ENGASE: variants seen among roughly 807,000 people sequenced by gnomAD.
ENGASE encodes the protein cytosolic endo-beta-N-acetylglucosaminidase.
Under a neutral mutation model 78.5 loss-of-function variants are expected in ENGASE, and 69 were observed. The ratio of observed to expected loss-of-function variants is 0.88; its 90% CI spans 0.72 to 1.07. The LOEUF (loss-of-function observed/expected upper bound fraction) is 1.07. Ranked by LOEUF, ENGASE falls within the 50% of genes least tolerant of loss-of-function variation. The pLI, the probability that ENGASE is intolerant of heterozygous loss-of-function variation, is 0.00. For synonymous variants in ENGASE, 408 were observed against 408.9 expected (o/e 1.00, Z 0.03); for missense variants, 943 against 988.4 (o/e 0.95, Z 0.62).
At chr17:79,084,514 C>T (rs3744178) in intron 10 of ENGASE, 24 bp from the exon 11 acceptor site, 87,005 of 1,546,894 alleles carry the variant, frequency 0.056, 2,599 homozygotes, top group African/African-American at 0.077. Flanking sequence ...TCCACGGCAC[C>T]CATCACAGGA....
At chr17:79,084,161 G>A (rs186103759) in intron 10 of ENGASE, 15 of 572,118 alleles carry the variant, frequency 2.6e-5, no homozygotes, top group Non-Finnish European at 3.9e-5. Flanking sequence ...TTAACTCTGC[G>A]TACGTTGCTA....
Position 79,083,223 on chromosome 17 carries a change from T to A in ENGASE, c.1142+100T>A. 1 of 934,652 alleles carries A rather than the reference T, an allele frequency of 1.1e-6. No individual in the cohort carries two copies. Among genetic ancestry groups the A allele is most frequent in the Non-Finnish European group, 1.6e-6 (1 of 606,670 alleles). 57.9% of individuals were successfully genotyped at this position (934,652 alleles called of 1,614,324 possible). ...GTTTGTGCTCTTTAGTGACCCTTCC[T>A]ATGGGGGGGTGGTTAAGGGAGGATG... On this transcript the variant is annotated intron_variant, in intron 8 of 13. Coordinates refer to ENST00000579016, the MANE Select transcript of ENGASE (RefSeq NM_001042573.3). The surrounding 1 kb of genome is among the most constrained non-coding windows in gnomAD (Gnocchi z 4.9).
intron 11 of ENGASE, 33 bp downstream of exon 11, chr17:79,084,719 C>T (rs761352575): frequency 1.9e-6 from 3 of 1,605,324 alleles, no homozygotes; most frequent in Admixed American, 1.7e-5. Context: ...TGCCTCTGCC[C>T]AGGGCGGAGA....
chr17:79,087,324 G>A lies in ENGASE; in HGVS notation c.*975G>A, dbSNP rs1568097474. 1 of 328,708 alleles carries A rather than the reference G, an allele frequency of 3.0e-6. No individual in the cohort carries two copies. Among genetic ancestry groups the A allele is most frequent in the African/African-American group, 2.2e-5 (1 of 46,372 alleles). 20.4% of individuals were successfully genotyped at this position (328,708 alleles called of 1,614,324 possible). On this transcript the variant is annotated 3_prime_UTR_variant, in exon 14 of 14. Coordinates refer to ENST00000579016, the MANE Select transcript of ENGASE (RefSeq NM_001042573.3). The stretch of plus-strand genomic sequence containing the variant: ...CCTTCTCAGCCTCGTCCAAGCACCG[G>A]GAAGACCTCCAGGCTGACCCCTTGA...
At chr17:79,082,226 G>A in intron 7 of ENGASE, 163 bp downstream of exon 7, 1 of 1,548,544 alleles carries the variant, frequency 6.5e-7, no homozygotes. Context: ...TCCTGCCCCG[G>A]CCAAGCTATG....
chr17:79,083,416 T>C lies in ENGASE; in HGVS notation c.1143-66T>C. On this transcript the variant is annotated intron_variant, in intron 8 of 13. Coordinates refer to ENST00000579016, the MANE Select transcript of ENGASE (RefSeq NM_001042573.3). The surrounding 1 kb of genome is among the most constrained non-coding windows in gnomAD (Gnocchi z 4.9). ...GAGCCTCGAGTTTCCACCAGCAAGT[T>C]TGAGGGACACTGAGAGGCTCCCTCC... 1.6e-6 allele frequency: 2 copies of C among 1,290,226 alleles called. No homozygotes were observed. The highest frequency in any genetic ancestry group is 1.9e-5 in the Admixed American group (1 of 53,826). The allele number at this position is 1,290,226 out of a possible 1,614,324, so 79.9% of individuals were successfully genotyped here.
chr17:79,079,784 G>T (rs12452684), intron 4 of ENGASE, 147 bp downstream of exon 4: 206,828 of 942,050 alleles, frequency 0.22, 28,253 homozygotes, highest in African/African-American at 0.54. Context: ...AGGACAGGCA[G>T]CTGCAGGCTT....
Position 79,087,402 on chromosome 17 carries a change from C to T in ENGASE, c.*1053C>T, listed in dbSNP as rs749551566. 6.6e-4 allele frequency: 153 copies of T among 231,876 alleles called. No homozygotes were observed. The highest frequency in any genetic ancestry group is 1.0e-3 in the Non-Finnish European group (118 of 112,668). The allele number at this position is 231,876 out of a possible 1,614,324, so 14.4% of individuals were successfully genotyped here. ...CGTGAGGGAGGCAGGGTCTTCACCACAGGCGCCTTCCTCTGTCCTTCCTGC... is the reference window on the plus strand; with the variant it reads ...CGTGAGGGAGGCAGGGTCTTCACCATAGGCGCCTTCCTCTGTCCTTCCTGC... On this transcript the variant is annotated 3_prime_UTR_variant, in exon 14 of 14. Coordinates refer to ENST00000579016, the MANE Select transcript of ENGASE (RefSeq NM_001042573.3).
chr17:79,087,354 C>A lies in ENGASE; in HGVS notation c.*1005C>A. 1 of 300,148 alleles carries A rather than the reference C, an allele frequency of 3.3e-6. No individual in the cohort carries two copies. Among genetic ancestry groups the A allele is most frequent in the Non-Finnish European group, 6.7e-6 (1 of 148,778 alleles). The allele number at this position is 300,148 out of a possible 1,614,324, so 18.6% of individuals were successfully genotyped here. On this transcript the variant is annotated 3_prime_UTR_variant, in exon 14 of 14. Coordinates refer to ENST00000579016, the MANE Select transcript of ENGASE (RefSeq NM_001042573.3). ...ACCTCCAGGCTGACCCCTTGAGCAG[C>A]AGTCAGCACAGGTGCGTGGGGGCGT...
rs1171781880 is a variant in ENGASE, at chr17:79,087,982, CAGA to C, written c.*1636_*1638del. The C allele has an allele frequency of 6.6e-6, 1 of 152,258 alleles. No individual in the cohort carries two copies. Among genetic ancestry groups the C allele is most frequent in the Non-Finnish European group, 1.5e-5 (1 of 68,078 alleles). 9.4% of individuals were successfully genotyped at this position (152,258 alleles called of 1,614,324 possible). A position where few individuals can be genotyped will look rare whatever the true frequency, so the allele number is the denominator to read the frequency against. Reference sequence around the variant, plus strand: ...TTCTCCCATGTCTCTTGTGTGGTCCCAGAAGGAGAAGTGAGTTTGCCAAGGATA... The same window carrying C: ...TTCTCCCATGTCTCTTGTGTGGTCCCAGGAGAAGTGAGTTTGCCAAGGATA... On this transcript the variant is annotated 3_prime_UTR_variant, in exon 14 of 14. Transcript: ENST00000579016.
chr17:79,077,472 C>A lies in ENGASE; in HGVS notation c.189C>A (p.Val63=). ...AAGAGACAGTCTTTCGAGAGGTGGT[C>A]AGTTTTTCCCCGGACCCCCTGCCAG... is the stretch of plus-strand genomic sequence containing the variant. ...EEEETVFREV[V]SFSPDPLPVR... Residue 63 remains valine, a synonymous_variant, in exon 2 of 14, where the codon GTC becomes GTA. Transcript: ENST00000579016. 6.4e-7 allele frequency: 1 copy of A among 1,570,130 alleles called. No individual in the cohort carries two copies. Among genetic ancestry groups the A allele is most frequent in the Non-Finnish European group, 8.6e-7 (1 of 1,162,672 alleles).
chr17:79,081,764 G>A, intron 6 of ENGASE, 134 bp from the exon 7 acceptor site: 2 of 1,047,972 alleles, frequency 1.9e-6, no homozygotes, highest in Non-Finnish European at 2.7e-6. Flanking sequence ...GGTGGGGTGG[G>A]GTGGGGTGGG....
At chr17:79,078,808 C>T (rs982294600) in intron 3 of ENGASE, among the ~76,000 whole-genome samples, 5 of 151,398 alleles carry the variant, frequency 3.3e-5, no homozygotes, top group East Asian at 1.9e-4. Flanking sequence ...CTTCGAGTTC[C>T]GGGAGACTCT....
intron 3 of ENGASE, 47 bp downstream of exon 3, chr17:79,077,911 G>GTTCCC: frequency 6.6e-7 from 1 of 1,519,148 alleles, no homozygotes; most frequent in Non-Finnish European, 8.9e-7. Context: ...GTTCTCCTTT[G>GTTCCC]CTGGGGTGGG....
rs556949652 is a variant in ENGASE at position 79,080,139 on chromosome 17, C to A, written c.566-68C>A. 2.6e-6 allele frequency: 4 copies of A among 1,523,568 alleles called. No individual in the cohort carries two copies. In the African/African-American group the frequency reaches 4.2e-5, roughly 16 times the overall value. 94.4% of individuals were successfully genotyped at this position (1,523,568 alleles called of 1,614,324 possible). ...TGAAGCTGCTGGTTCGAGAACCTCG[C>A]TTTGAAAACTGTGGGTGGAGGGAAA... On this transcript the variant is annotated intron_variant, in intron 4 of 13. Coordinates refer to ENST00000579016, the MANE Select transcript of ENGASE (RefSeq NM_001042573.3).
chr17:79,078,016 G>A, intron 3 of ENGASE, 152 bp downstream of exon 3: 2 of 773,528 alleles, frequency 2.6e-6, no homozygotes, highest in Non-Finnish European at 4.1e-6. Flanking sequence ...ACTGCGAGAA[G>A]AAGGCAGGCC....
chr17:79,077,204 G>C (rs567882014), intron 1 of ENGASE, among the ~76,000 whole-genome samples: 1 of 152,192 alleles, frequency 6.6e-6, no homozygotes, highest in Non-Finnish European at 1.5e-5. Flanking sequence ...GTAATCATTG[G>C]TACGTGTGTC....
rs1317421 is a variant in ENGASE at position 79,082,027 on chromosome 17, A to G, written c.1002A>G (p.Arg334=). The G allele has an allele frequency of 0.2, 321,086 of 1,614,016 alleles. 37,164 individuals are homozygous for G. The highest frequency in any genetic ancestry group is 0.51 in the African/African-American group (38,211 of 74,970). ...DVYVGVDVFA[R]GNVVGGRFDT... ...ACGTGGGCGTGGATGTGTTTGCTCG[A>G]GGGAACGTGGTCGGAGGCCGATTCG... is the stretch of plus-strand genomic sequence containing the variant. Residue 334 remains arginine, a synonymous_variant, in exon 7 of 14, where the codon CGA becomes CGG. Transcript: ENST00000579016.
At chr17:79,085,896 C>CT in intron 13 of ENGASE, 37 bp from the exon 14 acceptor site, 3 of 1,575,072 alleles carry the variant, frequency 1.9e-6, no homozygotes, top group Non-Finnish European at 2.6e-6. Context: ...TCCCCGCCCC[C>CT]GGGCGTCCAG....
Sources: allele counts gnomAD v4.1 joint callset (sites outside exome capture counted in the v4.1 genomes callset), GRCh38; gene constraint gnomAD v4.1.1; non-coding constraint Gnocchi (gnomAD v3.1); transcripts MANE v1.5; gene names NCBI Gene and HGNC (gene_info 2026-07-23, HGNC 2026-07-21).